The following TBC1D5 variants were observed in gnomAD, a reference collection of about 807,000 sequenced individuals.
TBC1D5 encodes TBC1 domain family, member 5.
Under a neutral mutation model 100.3 loss-of-function variants are expected in TBC1D5, and 75 were observed. The observed-to-expected ratio is 0.75, with a 90% confidence interval of 0.62 to 0.91. The LOEUF (loss-of-function observed/expected upper bound fraction) is 0.91, where lower values mean the gene tolerates loss of function less well. Among genes scored for constraint, TBC1D5 ranks in the 40% least tolerant of loss-of-function variants. The pLI is 0.00. For missense variants in TBC1D5, 910 were observed against 942.4 expected (o/e 0.97, Z 0.45); for synonymous variants, 323 against 325.6 (o/e 0.99, Z 0.09).
At chr3:17,522,212 C>G (rs1268075806) in intron 2 of TBC1D5, among the ~76,000 whole-genome samples, 1 of 151,894 alleles carries the variant, frequency 6.6e-6, no homozygotes, top group Admixed American at 6.6e-5. Context: ...TCTCAGAATC[C>G]ACGTTGACTG....
At chr3:17,303,044 G>A (rs1018958261) in intron 14 of TBC1D5, among the ~76,000 whole-genome samples, 3 of 152,140 alleles carry the variant, frequency 2.0e-5, no homozygotes, top group Admixed American at 6.5e-5. Flanking sequence ...AAAAATATAA[G>A]CTCATCTAAT....
chr3:17,326,456 C>T (rs763664701), intron 13 of TBC1D5, among the ~76,000 whole-genome samples: 2 of 152,032 alleles, frequency 1.3e-5, no homozygotes, highest in Non-Finnish European at 2.9e-5. Context: ...AACCTCTGTA[C>T]TTGAATATTT....
chr3:17,456,201 A>C (rs1413536613), intron 3 of TBC1D5, among the ~76,000 whole-genome samples: 1 of 134,662 alleles, frequency 7.4e-6, no homozygotes, highest in African/African-American at 3.4e-5. Context: ...AACTACCACA[A>C]AAAAAAATCT....
At chr3:17,532,205 C>T (rs935129857) in intron 2 of TBC1D5, among the ~76,000 whole-genome samples, 4 of 152,174 alleles carry the variant, frequency 2.6e-5, no homozygotes, top group African/African-American at 9.7e-5. Context: ...CAAAAGAAGA[C>T]ATTTATGCAC....
intron 18 of TBC1D5, among the ~76,000 whole-genome samples, chr3:17,201,736 CTGTG>C (rs773828449): frequency 6.6e-6 from 1 of 152,122 alleles, no homozygotes; most frequent in African/African-American, 2.4e-5. Flanking sequence ...CCTTCTCTGG[CTGTG>C]TAAGATGTGA....
At chr3:17,721,354 A>G (rs2075681843) in intron 1 of TBC1D5, among the ~76,000 whole-genome samples, 1 of 152,156 alleles carries the variant, frequency 6.6e-6, no homozygotes, top group South Asian at 2.1e-4. Context: ...ATAGTTTATA[A>G]CCATTTTTTT....
At chr3:17,647,208 AG>A (rs1208222245) in intron 1 of TBC1D5, among the ~76,000 whole-genome samples, 4 of 152,270 alleles carry the variant, frequency 2.6e-5, no homozygotes, top group Middle Eastern at 3.4e-3. Context: ...ACATAAACAC[AG>A]TGAGTATCCA....
chr3:17,323,926 A>C (rs768861280), intron 13 of TBC1D5, among the ~76,000 whole-genome samples: 16 of 152,258 alleles, frequency 1.1e-4, no homozygotes, highest in Non-Finnish European at 1.9e-4. Flanking sequence ...ATACAGAATT[A>C]CTATAAAAGT....
chr3:17,282,690 C>G (rs1188521629), intron 15 of TBC1D5, among the ~76,000 whole-genome samples: 1 of 152,158 alleles, frequency 6.6e-6, no homozygotes, highest in Non-Finnish European at 1.5e-5. Context: ...CTTTAAAGAT[C>G]TAAATAGACA....
At chr3:17,732,468 C>G (rs1047729485) in intron 1 of TBC1D5, among the ~76,000 whole-genome samples, 3 of 152,244 alleles carry the variant, frequency 2.0e-5, no homozygotes, top group Admixed American at 1.3e-4. Flanking sequence ...CCTGTAATCT[C>G]AGCACTTTGG....
intron 3 of TBC1D5, among the ~76,000 whole-genome samples, chr3:17,448,982 C>A (rs1171341882): frequency 6.6e-6 from 1 of 152,180 alleles, no homozygotes; most frequent in Non-Finnish European, 1.5e-5. Flanking sequence ...AGGAACAGCT[C>A]CCAGAGAGAC....
chr3:17,247,046 A>G (rs542628538), intron 16 of TBC1D5, among the ~76,000 whole-genome samples: 1 of 152,276 alleles, frequency 6.6e-6, no homozygotes, highest in African/African-American at 2.4e-5. Context: ...GTCACACTGT[A>G]TCAGTCTGAC....
chr3:17,591,319 T>C (rs1326268353), intron 2 of TBC1D5, among the ~76,000 whole-genome samples: 1 of 145,384 alleles, frequency 6.9e-6, no homozygotes, highest in African/African-American at 2.5e-5. Flanking sequence ...CTTGAGATAG[T>C]TTACAGATCC....
rs182143811 is a variant in TBC1D5, at chr3:17,678,896, A to T, written c.-100-54983T>A. On this transcript the variant is annotated intron_variant, in intron 1 of 21. Coordinates refer to ENST00000253692, the Ensembl canonical transcript of TBC1D5. ...CCAGGAAAAAAAAAGTGGTGGACAA[A>T]AAAAAGTGGCAATGGATTTCTCAGT... is the stretch of plus-strand genomic sequence containing the variant. Among the ~76,000 whole-genome samples, 191 of 151,346 alleles carry T rather than the reference A, an allele frequency of 1.3e-3. 4 individuals are homozygous for T. Among genetic ancestry groups the T allele is most frequent in the Admixed American group, 0.01 (155 of 15,238 alleles).
chr3:17,179,962 A>G (rs1220551919), intron 19 of TBC1D5, among the ~76,000 whole-genome samples: 3 of 152,216 alleles, frequency 2.0e-5, no homozygotes, highest in African/African-American at 7.2e-5. Context: ...AGCTGCTCAC[A>G]GATCAGACTA....
chr3:17,710,558 C>G (rs1289798497), intron 1 of TBC1D5, among the ~76,000 whole-genome samples: 1 of 150,230 alleles, frequency 6.7e-6, no homozygotes, highest in Non-Finnish European at 1.5e-5. Context: ...GAGCAAAACT[C>G]CATCTCAATA....
intron 1 of TBC1D5, among the ~76,000 whole-genome samples, chr3:17,655,511 C>A (rs1386570145): frequency 6.6e-6 from 1 of 151,684 alleles, no homozygotes; most frequent in Non-Finnish European, 1.5e-5. Context: ...AATATAAATT[C>A]TATAAACTTC....
chr3:17,488,281 G>T (rs1216415955), intron 3 of TBC1D5, among the ~76,000 whole-genome samples: 4 of 152,114 alleles, frequency 2.6e-5, no homozygotes, highest in African/African-American at 9.7e-5. Flanking sequence ...TGCTTTTAAG[G>T]TTCCTCCATG....
chr3:17,296,245 A>C (rs2150254310), intron 14 of TBC1D5, among the ~76,000 whole-genome samples: 1 of 152,376 alleles, frequency 6.6e-6, no homozygotes, highest in Middle Eastern at 3.4e-3. Context: ...TCTTTCTTTT[A>C]AAAAAGGAAA....
Sources: allele counts gnomAD v4.1 joint callset (sites outside exome capture counted in the v4.1 genomes callset), GRCh38; gene constraint gnomAD v4.1.1; transcripts MANE v1.5; gene names NCBI Gene and HGNC (gene_info 2026-07-23, HGNC 2026-07-21).